The following GSTCD variants were observed in gnomAD, a reference collection of about 807,000 sequenced individuals.
GSTCD encodes glutathione S-transferase C-terminal domain-containing protein.
GSTCD carries 44 observed loss-of-function variants against 68.3 expected under a neutral mutation model. The ratio of observed to expected loss-of-function variants is 0.64; its 90% confidence interval spans 0.51 to 0.83. The LOEUF (loss-of-function observed/expected upper bound fraction) is 0.83, where lower values mean the gene tolerates loss of function less well. GSTCD is among the 40% of genes least tolerant of loss of function. The pLI is 0.00. For missense variants in GSTCD, 739 were observed against 735.9 expected (o/e 1.00, Z -0.05); for synonymous variants, 273 against 255.2 (o/e 1.07, Z -0.67).
At chr4:105,725,932 T>C (rs1037430053) in intron 3 of GSTCD, among the ~76,000 whole-genome samples, 13 of 152,144 alleles carry the variant, frequency 8.5e-5, no homozygotes, top group African/African-American at 2.4e-5. Context: ...CATGGATTGC[T>C]AGTGGGAATT....
chr4:105,844,234 C>T (rs1724466818), intron 11 of GSTCD, among the ~76,000 whole-genome samples: 1 of 151,696 alleles, frequency 6.6e-6, no homozygotes, highest in Admixed American at 6.6e-5. Context: ...ATGGGAGAAA[C>T]ATTTACAGAT....
At chr4:105,821,623 A>G (rs1723296531) in intron 5 of GSTCD, among the ~76,000 whole-genome samples, 1 of 151,942 alleles carries the variant, frequency 6.6e-6, no homozygotes, top group African/African-American at 2.4e-5. Flanking sequence ...TCATTACAAT[A>G]GGAAATTGGG....
chr4:105,734,077 C>A (rs1733358869), intron 5 of GSTCD, among the ~76,000 whole-genome samples: 1 of 152,176 alleles, frequency 6.6e-6, no homozygotes, highest in South Asian at 2.1e-4. Context: ...GATGGGCTTC[C>A]TTTTGTGGGT....
chr4:105,752,058 G>A (rs1032994333), intron 5 of GSTCD, among the ~76,000 whole-genome samples: 12 of 152,140 alleles, frequency 7.9e-5, no homozygotes, highest in African/African-American at 2.7e-4. Context: ...CATAGAGACA[G>A]CAGTTCTTTA....
chr4:105,763,516 G>A (rs1394810431), intron 5 of GSTCD, among the ~76,000 whole-genome samples: 1 of 152,146 alleles, frequency 6.6e-6, no homozygotes, highest in Non-Finnish European at 1.5e-5. Context: ...AAAACGCAGA[G>A]TTGATTTAAA....
intron 9 of GSTCD, among the ~76,000 whole-genome samples, chr4:105,837,582 C>G (rs984466683): frequency 6.6e-6 from 1 of 152,088 alleles, no homozygotes; most frequent in African/African-American, 2.4e-5. Flanking sequence ...GTTAAAACAC[C>G]TGGATCTTAG....
At chr4:105,831,190 A>C (rs2149281580) in intron 8 of GSTCD, among the ~76,000 whole-genome samples, 1 of 152,364 alleles carries the variant, frequency 6.6e-6, no homozygotes, top group Non-Finnish European at 1.5e-5. Context: ...AAGAGTACAC[A>C]GGTGGGACTA....
chr4:105,833,676 T>C (rs545055114), intron 8 of GSTCD, among the ~76,000 whole-genome samples: 11 of 152,312 alleles, frequency 7.2e-5, no homozygotes, highest in African/African-American at 2.2e-4. Context: ...TGATTTTCAC[T>C]GAGAGTCCTA....
chr4:105,790,828 C>A (rs1246449795), intron 5 of GSTCD, among the ~76,000 whole-genome samples: 1 of 151,678 alleles, frequency 6.6e-6, no homozygotes, highest in Admixed American at 6.6e-5. Context: ...CCCTCAGTGC[C>A]TTTTTTTTAA....
chr4:105,744,114 T>C (rs2149221568), intron 5 of GSTCD, among the ~76,000 whole-genome samples: 1 of 152,354 alleles, frequency 6.6e-6, no homozygotes, highest in African/African-American at 2.4e-5. Flanking sequence ...CATAACATGG[T>C]CATTTTTGGA....
chr4:105,739,711 C>T (rs1733568567), intron 5 of GSTCD, among the ~76,000 whole-genome samples: 1 of 152,146 alleles, frequency 6.6e-6, no homozygotes, highest in Non-Finnish European at 1.5e-5. Context: ...CCTGGGATGT[C>T]TTGTGTTGCT....
chr4:105,797,173 G>GT (rs1735926982), intron 5 of GSTCD, among the ~76,000 whole-genome samples: 1 of 151,752 alleles, frequency 6.6e-6, no homozygotes, highest in African/African-American at 2.4e-5. Context: ...TACCTATCAT[G>GT]TTAGGTAGTT....
intron 3 of GSTCD, among the ~76,000 whole-genome samples, chr4:105,724,379 A>G (rs1732964524): frequency 6.6e-6 from 1 of 151,824 alleles, no homozygotes; most frequent in African/African-American, 2.4e-5. Context: ...TTGAAAAAAT[A>G]AAAGTCTTAC....
intron 5 of GSTCD, among the ~76,000 whole-genome samples, chr4:105,815,493 CAAAAT>C (rs1722938320): frequency 6.6e-6 from 1 of 151,806 alleles, no homozygotes; most frequent in African/African-American, 2.4e-5. Flanking sequence ...ATTTTTTAAA[CAAAAT>C]AAAATATATG....
intron 5 of GSTCD, among the ~76,000 whole-genome samples, chr4:105,792,624 A>G (rs1432005555): frequency 1.3e-5 from 2 of 152,096 alleles, no homozygotes; most frequent in African/African-American, 4.8e-5. Context: ...CAAGGCTAGC[A>G]TGAGTTGATT....
At chr4:105,741,720 A>C (rs890986460) in intron 5 of GSTCD, among the ~76,000 whole-genome samples, 17 of 152,162 alleles carry the variant, frequency 1.1e-4, no homozygotes, top group Non-Finnish European at 2.2e-4. Flanking sequence ...AGTTCATGGA[A>C]TATATTACTC....
intron 3 of GSTCD, 97 bp downstream of exon 3, chr4:105,719,624 T>C (rs1186106643): frequency 9.5e-6 from 8 of 845,712 alleles, no homozygotes; most frequent in Non-Finnish European, 1.5e-5. Flanking sequence ...GTCAATATGC[T>C]GCTAGGAAAG....
At chr4:105,715,587 A>G (rs1385154451) in intron 1 of GSTCD, among the ~76,000 whole-genome samples, 1 of 151,930 alleles carries the variant, frequency 6.6e-6, no homozygotes, top group East Asian at 1.9e-4. Flanking sequence ...TACTGACTAT[A>G]TTTATTTTTT....
chr4:105,817,278 A>G (rs1723042013), intron 5 of GSTCD, among the ~76,000 whole-genome samples: 1 of 151,954 alleles, frequency 6.6e-6, no homozygotes, highest in Admixed American at 6.6e-5. Flanking sequence ...TGATTGAGAA[A>G]GATACTTATG....
Sources: allele counts gnomAD v4.1 joint callset (sites outside exome capture counted in the v4.1 genomes callset), GRCh38; gene constraint gnomAD v4.1.1; transcripts MANE v1.5; gene names NCBI Gene and HGNC (gene_info 2026-07-23, HGNC 2026-07-21).